Variants in TPRG1 observed in about 807,000 individuals in gnomAD.
TPRG1 encodes tumor protein p63-regulated gene 1 protein.
A neutral mutation model predicts 29.3 loss-of-function variants in TPRG1; 29 were observed. That is an observed-to-expected ratio of 0.99 (90% CI 0.74 to 1.35). The LOEUF (loss-of-function observed/expected upper bound fraction) is 1.35, where lower values mean the gene tolerates loss of function less well. Ranked by LOEUF, TPRG1 falls within the 40% of genes most tolerant of loss-of-function variation. The probability of loss-of-function intolerance (pLI) is 0.00; values close to 1 mark genes in which losing one functional copy is unlikely to be tolerated. For missense variants in TPRG1, 327 were observed against 335.0 expected (o/e 0.98, Z 0.19); for synonymous variants, 130 against 116.8 (o/e 1.11, Z -0.73).
At chr3:189,098,176 G>A (rs940614512), upstream of TPRG1, among the ~76,000 whole-genome samples, 1 of 152,088 alleles carries the variant, frequency 6.6e-6, no homozygotes, top group Non-Finnish European at 1.5e-5. Context: ...AAGAGAGCCG[G>A]GTAGGGAAAG....
chr3:189,210,107 A>G (rs1158125979), intron 2 of TPRG1, among the ~76,000 whole-genome samples: 1 of 152,038 alleles, frequency 6.6e-6, no homozygotes, highest in Admixed American at 6.6e-5. Flanking sequence ...AAAAAACTGG[A>G]GAGAAATGTG....
chr3:189,022,131 T>C (rs926577491), intron 3 of TPRG1, among the ~76,000 whole-genome samples: 1 of 152,166 alleles, frequency 6.6e-6, no homozygotes, highest in African/African-American at 2.4e-5. Flanking sequence ...TTATACATTC[T>C]TCCAAATTTT....
upstream of TPRG1, among the ~76,000 whole-genome samples, chr3:189,169,701 G>A (rs957471073): frequency 1.3e-5 from 2 of 152,164 alleles, no homozygotes; most frequent in African/African-American, 4.8e-5. Context: ...CCAATACTTT[G>A]AATTTTACAA....
intron 2 of TPRG1, 107 bp from the exon 3 acceptor site, chr3:189,215,185 C>T (rs1415631127): frequency 1.2e-6 from 1 of 853,008 alleles, no homozygotes. Context: ...TAAACTATAT[C>T]CTTTGTGACC....
At chr3:189,036,227 C>T (rs564086495) in intron 4 of TPRG1, among the ~76,000 whole-genome samples, 1 of 152,072 alleles carries the variant, frequency 6.6e-6, no homozygotes, top group African/African-American at 2.4e-5. Context: ...CACACAGACA[C>T]AAAGATGGGA....
Position 189,044,566 on chromosome 3 carries a change from A to AG in TPRG1, c.-463+20620_-463+20621insG, listed in dbSNP as rs926530263. On this transcript the variant is annotated intron_variant, in intron 4 of 10. Transcript: ENST00000433971. Reference sequence around the variant, plus strand: ...GCAAAACTCCGTCTCAAAAAAAAAAAAAAAGTGAGCTGAGCTTTGAAGGAC... The same window carrying AG: ...GCAAAACTCCGTCTCAAAAAAAAAAAGAAAAGTGAGCTGAGCTTTGAAGGAC... Among the ~76,000 whole-genome samples, 7 of 152,268 alleles carry AG rather than the reference A, an allele frequency of 4.6e-5. 1 individual carries two copies. Among genetic ancestry groups the AG allele is most frequent in the Admixed American group, 3.9e-4 (6 of 15,300 alleles).
chr3:189,157,215 A>G (rs1578582168), intron 5 of TPRG1, among the ~76,000 whole-genome samples: 1 of 152,270 alleles, frequency 6.6e-6, no homozygotes, highest in East Asian at 1.9e-4. Context: ...TCGAGCATTA[A>G]GCCATCCAGA....
chr3:189,299,214 A>G (rs1225090858), intron 4 of TPRG1, among the ~76,000 whole-genome samples: 3 of 152,118 alleles, frequency 2.0e-5, no homozygotes, highest in African/African-American at 7.2e-5. Flanking sequence ...ACCAATTCAT[A>G]ATGAAGGGAG....
chr3:189,088,515 C>G (rs1718113711), intron 4 of TPRG1, among the ~76,000 whole-genome samples: 1 of 152,202 alleles, frequency 6.6e-6, no homozygotes, highest in South Asian at 2.1e-4. Context: ...CCTGATTGCT[C>G]TGGTCAGAAC....
upstream of TPRG1, among the ~76,000 whole-genome samples, chr3:189,096,365 C>T (rs1718679855): frequency 6.6e-6 from 1 of 152,346 alleles, no homozygotes; most frequent in Non-Finnish European, 1.5e-5. Context: ...CTCTTCTCTC[C>T]ACTTGAGTGG....
At position 189,107,634 on chromosome 3, in the gene TPRG1, C is replaced by T. The variant is rs187310752; in HGVS notation, c.-744+7430C>T. Among the ~76,000 whole-genome samples, 152 of 152,206 alleles carry T rather than the reference C, an allele frequency of 1.0e-3. 1 individual carries two copies. Among genetic ancestry groups the T allele is most frequent in the Admixed American group, 2.2e-3 (34 of 15,282 alleles). On this transcript the variant is annotated intron_variant, in intron 1 of 6. Coordinates refer to the TPRG1 transcript ENST00000412373. ...TTTCAAATTGGTAGTGTCTGTTGTT[C>T]ATTCACCTGCATTCAGAAAATCATA...
rs1254027814 is a variant in TPRG1, at chr3:189,324,087, G to A, written c.*3267G>A. 1 of 152,128 alleles carries A rather than the reference G, an allele frequency of 6.6e-6. No individual in the cohort carries two copies. The highest frequency in any genetic ancestry group is 2.4e-5 in the African/African-American group (1 of 41,440). The allele number at this position is 152,128 out of a possible 1,614,324, so 9.4% of individuals were successfully genotyped here. A position where few individuals can be genotyped will look rare whatever the true frequency, so the allele number is the denominator to read the frequency against. On this transcript the variant is annotated 3_prime_UTR_variant, in exon 6 of 6. Transcript: ENST00000345063. ...AGGCCTGACCTTTGGTCATCTTAAG[G>A]TCATCTAAGGCAGAAAAGAGAAGCT...
At chr3:189,315,122 GCATTCCA>G (rs1459713454) in intron 5 of TPRG1, among the ~76,000 whole-genome samples, 1 of 151,996 alleles carries the variant, frequency 6.6e-6, no homozygotes. Context: ...TTATACCATT[GCATTCCA>G]ACCTAGATGA....
chr3:189,270,478 C>T (rs1714926942), intron 4 of TPRG1, among the ~76,000 whole-genome samples: 1 of 152,226 alleles, frequency 6.6e-6, no homozygotes, highest in African/African-American at 2.4e-5. Flanking sequence ...GTGCTGGAGG[C>T]TGCAGTGTTC....
At chr3:189,180,346 T>C (rs1730048690) in intron 1 of TPRG1, among the ~76,000 whole-genome samples, 1 of 152,108 alleles carries the variant, frequency 6.6e-6, no homozygotes, top group African/African-American at 2.4e-5. Flanking sequence ...AACTCAAAAG[T>C]CCACAGTCCA....
At chr3:189,162,935 G>T (rs1727672313) in intron 5 of TPRG1, among the ~76,000 whole-genome samples, 1 of 152,198 alleles carries the variant, frequency 6.6e-6, no homozygotes, top group Non-Finnish European at 1.5e-5. Context: ...ATAAGTATTT[G>T]TTAAATAATT....
intron 3 of TPRG1, among the ~76,000 whole-genome samples, chr3:189,020,617 C>G (rs1221584519): frequency 6.7e-6 from 1 of 149,072 alleles, no homozygotes; most frequent in Non-Finnish European, 1.5e-5. Flanking sequence ...AATTTCTGTT[C>G]TTTTACATTT....
intron 4 of TPRG1, among the ~76,000 whole-genome samples, chr3:189,065,295 G>A (rs1039659033): frequency 3.3e-5 from 5 of 152,070 alleles, no homozygotes; most frequent in African/African-American, 4.8e-5. Flanking sequence ...AGAGAATAGA[G>A]AGGAAACACT....
In TPRG1 at chr3:189,320,821, G is replaced by C; in HGVS notation, c.*1G>C. ...TGCCCGTGGGAGTATTGGTTTTTGA[G>C]AGTCTTTTTGGTACCATAAGCATAT... On this transcript the variant is annotated 3_prime_UTR_variant, in exon 6 of 6. Transcript: ENST00000345063. 6.4e-7 allele frequency: 1 copy of C among 1,570,042 alleles called. No homozygotes were observed. Among genetic ancestry groups the C allele is most frequent in the Non-Finnish European group, 8.6e-7 (1 of 1,158,720 alleles).
Sources: allele counts gnomAD v4.1 joint callset (sites outside exome capture counted in the v4.1 genomes callset), GRCh38; gene constraint gnomAD v4.1.1; transcripts MANE v1.5; gene names NCBI Gene and HGNC (gene_info 2026-07-23, HGNC 2026-07-21).